Variants in MFAP3L observed in about 807,000 individuals in gnomAD.
The protein encoded by MFAP3L is microfibrillar-associated protein 3-like.
Under a neutral mutation model 20.0 loss-of-function variants are expected in MFAP3L, and 5 were observed. The observed-to-expected ratio is 0.25, with a 90% CI of 0.13 to 0.53. The LOEUF is 0.53. Ranked by LOEUF, MFAP3L falls within the 20% of genes least tolerant of loss-of-function variation. MFAP3L has a pLI of 0.96. For missense variants in MFAP3L, 409 were observed against 527.5 expected, an observed-to-expected ratio of 0.78 and a Z score of 2.20; for synonymous variants, 219 against 213.0, an observed-to-expected ratio of 1.03 and a Z score of -0.25.
At chr4:170,009,577 A>C (rs554392086) in intron 1 of MFAP3L, among the ~76,000 whole-genome samples, 1 of 152,260 alleles carries the variant, frequency 6.6e-6, no homozygotes, top group African/African-American at 2.4e-5. Context: ...ACAGCTTTCA[A>C]AACCAGGGCT....
Position 169,991,813 on chromosome 4 carries a change from C to T in MFAP3L, c.795G>A (p.Glu265=), listed in dbSNP as rs770637301. 1.9e-6 allele frequency: 3 copies of T among 1,614,200 alleles called. No individual in the cohort carries two copies. The East Asian group carries it at 6.7e-5, about 36-fold the overall frequency. ...TATGCCTCACAAAATTCTGCCCCTGCTCCTCCAGCCCAACCACCTCCATAA... is the reference window on the plus strand; with the variant it reads ...TATGCCTCACAAAATTCTGCCCCTGTTCCTCCAGCCCAACCACCTCCATAA... ...EEIMEVVGLE[E]QGQNFVRHTP... is the part of the protein sequence containing the mutation. The change falls in exon 3 of 3, where the codon GAG becomes GAA. Residue 265 remains glutamate (E), a synonymous_variant. Coordinates refer to ENST00000361618, the MANE Select transcript of MFAP3L (RefSeq NM_021647.8). This position sits in a 1 kb window ranked among gnomAD's most constrained non-coding sequence, Gnocchi z 4.9.
rs1278742921 is a variant in MFAP3L at position 169,987,523 on chromosome 4, T to A, written c.*3855A>T. 1 of 152,176 alleles carries A rather than the reference T, an allele frequency of 6.6e-6. No individual in the cohort carries two copies. The highest frequency in any genetic ancestry group is 1.5e-5 in the Non-Finnish European group (1 of 68,022). The allele number at this position is 152,176 out of a possible 1,614,324, so 9.4% of individuals were successfully genotyped here. On this transcript the variant is annotated 3_prime_UTR_variant, in exon 3 of 3. Coordinates refer to ENST00000361618, the MANE Select transcript of MFAP3L (RefSeq NM_021647.8). Reference sequence around the variant, plus strand: ...CCCCAGTTAAAAGAACCACAGTGACTGCCACTGAAGAGTTTTAGCACTGAT... The same window carrying A: ...CCCCAGTTAAAAGAACCACAGTGACAGCCACTGAAGAGTTTTAGCACTGAT...
At chr4:170,002,692 CAG>C (rs1738736700) in intron 2 of MFAP3L, among the ~76,000 whole-genome samples, 1 of 151,630 alleles carries the variant, frequency 6.6e-6, no homozygotes, top group Non-Finnish European at 1.5e-5. Context: ...GTATTTTTAG[CAG>C]AGACAGGGTT....
intron 1 of MFAP3L, among the ~76,000 whole-genome samples, chr4:170,018,780 A>C (rs1279312636): frequency 6.6e-6 from 1 of 152,226 alleles, no homozygotes; most frequent in African/African-American, 2.4e-5. Context: ...GAAGAAAAAC[A>C]AAACGACAAC....
In MFAP3L at chr4:169,989,923, CTTAT is replaced by C. The variant is rs1186931488; in HGVS notation, c.*1451_*1454del. ...AATGCTATTTCTCAAAACCAACATT[CTTAT>C]TTAAGTAATGAAGCATGAAAATGTT... On this transcript the variant is annotated 3_prime_UTR_variant, in exon 3 of 3. Coordinates refer to ENST00000361618, the MANE Select transcript of MFAP3L (RefSeq NM_021647.8). The C allele has an allele frequency of 6.6e-6, 1 of 152,138 alleles. No homozygotes were observed. The highest frequency in any genetic ancestry group is 1.5e-5 in the Non-Finnish European group (1 of 68,026). The allele number at this position is 152,138 out of a possible 1,614,324, so 9.4% of individuals were successfully genotyped here.
At chr4:170,005,466 A>C in intron 2 of MFAP3L, 114 bp downstream of exon 2, 2 of 1,198,830 alleles carry the variant, frequency 1.7e-6, no homozygotes, top group Non-Finnish European at 2.3e-6. Context: ...TAGAAAAACA[A>C]GACAAGATGA....
intron 1 of MFAP3L, among the ~76,000 whole-genome samples, chr4:170,025,741 C>T (rs899519133): frequency 2.0e-5 from 3 of 152,146 alleles, no homozygotes; most frequent in African/African-American, 7.2e-5. Context: ...CACAGCCGCC[C>T]GCACTCCTGC....
chr4:169,991,453 TGGCGGCA>T lies in MFAP3L; in HGVS notation c.1148_1154del (p.Leu383GlnfsTer11). ...CTGGCTCTGTGGCTTCCAGGTAAGC[TGGCGGCA>T]GTACCTTATCTGGTACCTCAACAGG... On this transcript the variant is annotated frameshift_variant, in exon 3 of 3. Coordinates refer to ENST00000361618, the MANE Select transcript of MFAP3L (RefSeq NM_021647.8). LOFTEE classifies it high-confidence loss of function. The surrounding 1 kb of genome is among the most constrained non-coding windows in gnomAD (Gnocchi z 4.9). 1 of 1,614,190 alleles carries T rather than the reference TGGCGGCA, an allele frequency of 6.2e-7. No homozygotes were observed. The highest frequency in any genetic ancestry group is 8.5e-7 in the Non-Finnish European group (1 of 1,180,028).
At chr4:170,021,490 A>G (rs886798866) in intron 1 of MFAP3L, among the ~76,000 whole-genome samples, 5 of 152,220 alleles carry the variant, frequency 3.3e-5, no homozygotes, top group African/African-American at 1.2e-4. Flanking sequence ...TAGCTATACA[A>G]TATAAAGTTT....
intron 1 of MFAP3L, among the ~76,000 whole-genome samples, chr4:170,019,541 CTA>C (rs2111067774): frequency 6.6e-6 from 1 of 152,286 alleles, no homozygotes; most frequent in South Asian, 2.1e-4. Flanking sequence ...GAGACCTCAT[CTA>C]TATACACACA....
At position 170,005,895 on chromosome 4, in the gene MFAP3L, T is replaced by A. The variant is rs778048708; in HGVS notation, c.-18A>T. The A allele has an allele frequency of 6.2e-7, 1 of 1,609,950 alleles. No individual in the cohort carries two copies. Among genetic ancestry groups the A allele is most frequent in the Non-Finnish European group, 8.5e-7 (1 of 1,177,256 alleles). ...CGATCCATCTTCTTTGCTTGCTCTG[T>A]AAGGCAATAGAGAGATGGTTTGCCA... On this transcript the variant is annotated 5_prime_UTR_variant, in exon 2 of 3. Coordinates refer to ENST00000361618, the MANE Select transcript of MFAP3L (RefSeq NM_021647.8).
In MFAP3L at chr4:169,987,605, T is replaced by C. The variant is rs775911476; in HGVS notation, c.*3773A>G. 4 of 152,204 alleles carry C rather than the reference T, an allele frequency of 2.6e-5. No individual in the cohort carries two copies. The highest frequency in any genetic ancestry group is 4.4e-5 in the Non-Finnish European group (3 of 68,030). 9.4% of individuals were successfully genotyped at this position (152,204 alleles called of 1,614,324 possible). ...GTATCTGGTTTGCCTTTCTAAACCA[T>C]TTCTTCCAGCAGCTGGAATTGGTGT... On this transcript the variant is annotated 3_prime_UTR_variant, in exon 3 of 3. Transcript: ENST00000361618.
intron 1 of MFAP3L, among the ~76,000 whole-genome samples, chr4:170,012,531 T>C (rs1032245806): frequency 6.6e-6 from 1 of 152,314 alleles, no homozygotes; most frequent in Admixed American, 6.5e-5. Context: ...TCCTGCCTGG[T>C]TCCTCACTGC....
chr4:170,001,902 G>A, intron 2 of MFAP3L: 1 of 983,790 alleles, frequency 1.0e-6, no homozygotes. Context: ...TCCTGCCAAT[G>A]ACAGGAAATA....
chr4:170,020,320 C>T (rs1739948452), intron 1 of MFAP3L, among the ~76,000 whole-genome samples: 1 of 152,104 alleles, frequency 6.6e-6, no homozygotes, highest in Admixed American at 6.6e-5. Flanking sequence ...ACATATCAAT[C>T]ACTGAGTTCT....
chr4:169,991,896 C>T lies in MFAP3L; in HGVS notation c.712G>A (p.Ala238Thr). 6.2e-7 allele frequency: 1 copy of T among 1,614,170 alleles called. No individual in the cohort carries two copies. Among genetic ancestry groups the T allele is most frequent in the South Asian group, 1.1e-5 (1 of 91,084 alleles). Residue 238 changes from alanine to threonine, a missense_variant, in exon 3 of 3, where the codon GCC (alanine) becomes ACC (threonine). By Grantham distance (58) the Ala-to-Thr change is moderately conservative. Around this residue, in one of 3 missense-constraint regions of MFAP3L, gnomAD observed 127 missense variants for 218.1 expected, o/e 0.58. Coordinates refer to ENST00000361618, the MANE Select transcript of MFAP3L (RefSeq NM_021647.8). This position sits in a 1 kb window ranked among gnomAD's most constrained non-coding sequence, Gnocchi z 4.9. ...AGAGGCGGCAGAGGCACGCTCCTGGCAAGCTCTTCGATGTAGCGGGCGAAC... is the reference window on the plus strand; with the variant it reads ...AGAGGCGGCAGAGGCACGCTCCTGGTAAGCTCTTCGATGTAGCGGGCGAAC... The part of the protein sequence containing the change: ...MEFARYIEEL[A>T]RSVPLPPLIM...
At chr4:169,994,221 A>G (rs1301065973) in intron 2 of MFAP3L, 3 of 985,308 alleles carry the variant, frequency 3.0e-6, no homozygotes, top group Non-Finnish European at 1.2e-6. Context: ...AAAATATAGC[A>G]GAAAATAGAG....
chr4:170,004,660 GAA>G (rs941075938), intron 2 of MFAP3L, among the ~76,000 whole-genome samples: 2 of 152,178 alleles, frequency 1.3e-5, no homozygotes, highest in African/African-American at 4.8e-5. Flanking sequence ...TAAAATGAGG[GAA>G]AGAGATTTAA....
chr4:170,000,036 C>T (rs745529941), intron 2 of MFAP3L, among the ~76,000 whole-genome samples: 40 of 152,190 alleles, frequency 2.6e-4, no homozygotes, highest in Non-Finnish European at 5.0e-4. Context: ...GACTTGGCCA[C>T]GTGTCCTCTG....
Sources: allele counts gnomAD v4.1 joint callset (sites outside exome capture counted in the v4.1 genomes callset), GRCh38; gene constraint gnomAD v4.1.1; regional missense constraint gnomAD v4.1.1; non-coding constraint Gnocchi (gnomAD v3.1); transcripts MANE v1.5; gene names NCBI Gene and HGNC (gene_info 2026-07-23, HGNC 2026-07-21).